The following ARHGEF28 variants were observed in gnomAD, a reference collection of about 807,000 sequenced individuals.
The protein encoded by ARHGEF28 is 190 kDa guanine nucleotide exchange factor.
ARHGEF28 carries 152 observed loss-of-function variants against 206.6 expected under a neutral mutation model. That is an observed-to-expected ratio of 0.74 (90% CI 0.64 to 0.84). ARHGEF28 has a LOEUF of 0.84. ARHGEF28 is among the 40% of genes least tolerant of loss of function. The pLI is 0.00. For missense variants in ARHGEF28, 2,028 were observed against 2,073.2 expected (o/e 0.98, Z 0.42); for synonymous variants, 763 against 776.4 (o/e 0.98, Z 0.29).
At chr5:73,803,049 T>C (rs556326505) in intron 9 of ARHGEF28, among the ~76,000 whole-genome samples, 1 of 152,286 alleles carries the variant, frequency 6.6e-6, no homozygotes, top group African/African-American at 2.4e-5. Context: ...TACAATTTAC[T>C]TTACCTTTTA....
chr5:73,833,584 G>A (rs1757428213), intron 10 of ARHGEF28, among the ~76,000 whole-genome samples: 1 of 152,052 alleles, frequency 6.6e-6, no homozygotes, highest in Non-Finnish European at 1.5e-5. Context: ...ATCTAGAATG[G>A]GTCATGGAGT....
At chr5:73,863,258 A>G (rs888411998) in intron 16 of ARHGEF28, 5 of 152,042 alleles carry the variant, frequency 3.3e-5, no homozygotes, top group Admixed American at 6.6e-5. Flanking sequence ...AGAACTTTTG[A>G]TGTGTCCTTT....
intron 2 of ARHGEF28, among the ~76,000 whole-genome samples, chr5:73,687,238 A>G (rs951524785): frequency 1.3e-5 from 2 of 152,168 alleles, no homozygotes; most frequent in African/African-American, 4.8e-5. Flanking sequence ...AAATCTATGT[A>G]TAGATTAATT....
chr5:73,852,347 T>C (rs1758757942), intron 13 of ARHGEF28, among the ~76,000 whole-genome samples: 1 of 152,226 alleles, frequency 6.6e-6, no homozygotes, highest in Non-Finnish European at 1.5e-5. Context: ...TCCAAAAAGA[T>C]AGAGCTAATT....
In ARHGEF28 at chr5:73,940,608, T is replaced by C. The variant is rs562732013; in HGVS notation, c.4949-236T>C. 5.3e-5 allele frequency among the ~76,000 whole-genome samples: 8 copies of C among 152,332 alleles called. No homozygotes were observed. The South Asian group carries it at 1.7e-3, about 32-fold the overall frequency. On this transcript the variant is annotated intron_variant, in intron 35 of 35. Coordinates refer to ENST00000513042, the MANE Select transcript of ARHGEF28 (RefSeq NM_001177693.2). ...GCAATAGCAGCGGTTTAAGATCCCA[T>C]GAACAGTAACCCATATTTAGTCACA... is the stretch of plus-strand genomic sequence containing the variant.
At chr5:73,934,867 G>A (rs533913550) in intron 35 of ARHGEF28, among the ~76,000 whole-genome samples, 15 of 152,168 alleles carry the variant, frequency 9.9e-5, no homozygotes, top group Non-Finnish European at 2.2e-4. Flanking sequence ...TTGGCATCCT[G>A]TTTAGAGAAA....
At chr5:73,911,786 T>C (rs772063284) in intron 35 of ARHGEF28, 2 of 564,656 alleles carry the variant, frequency 3.5e-6, no homozygotes, top group South Asian at 2.3e-5. Flanking sequence ...ACCATGGTCA[T>C]AGGGCTTAGA....
At chr5:73,750,088 C>T in intron 3 of ARHGEF28, 104 bp downstream of exon 3, 2 of 1,406,778 alleles carry the variant, frequency 1.4e-6, no homozygotes, top group South Asian at 1.3e-5. Context: ...GAAAACAGTG[C>T]TGCAAGGTCA....
At chr5:73,778,458 G>A (rs1246368744) in intron 6 of ARHGEF28, among the ~76,000 whole-genome samples, 1 of 152,104 alleles carries the variant, frequency 6.6e-6, no homozygotes, top group African/African-American at 2.4e-5. Flanking sequence ...AAGGCCAAAT[G>A]GAGATGGCTC....
At chr5:73,657,928 T>C (rs1212204549) in intron 1 of ARHGEF28, among the ~76,000 whole-genome samples, 1 of 152,158 alleles carries the variant, frequency 6.6e-6, no homozygotes, top group Non-Finnish European at 1.5e-5. Flanking sequence ...GCTGAGACCA[T>C]TAAAACACTT....
At position 73,872,981 on chromosome 5, in the gene ARHGEF28, T is replaced by C. The variant is rs1760204053; in HGVS notation, c.2567-18T>C. On this transcript the variant is annotated intron_variant, in intron 21 of 35. Transcript: ENST00000513042. ...TTTTAAAGCTTGTTTAAGGCTTATG[T>C]GTGCTCACACATTTCAGAGCTAATG... 5 of 1,612,026 alleles carry C rather than the reference T, an allele frequency of 3.1e-6. No homozygotes were observed. The highest frequency in any genetic ancestry group is 2.2e-5 in the East Asian group (1 of 44,864).
At chr5:73,794,557 G>T in intron 8 of ARHGEF28, 103 bp downstream of exon 8, 1 of 934,786 alleles carries the variant, frequency 1.1e-6, no homozygotes, top group East Asian at 2.8e-5. Context: ...AAAAAAGGAT[G>T]TGCCCCAAGT....
intron 9 of ARHGEF28, among the ~76,000 whole-genome samples, chr5:73,798,152 G>A (rs750373906): frequency 6.6e-6 from 1 of 152,076 alleles, no homozygotes; most frequent in African/African-American, 2.4e-5. Context: ...TTTGGTACAG[G>A]CATGCAATAT....
At chr5:73,768,524 C>T (rs188650220) in intron 4 of ARHGEF28, among the ~76,000 whole-genome samples, 7 of 152,268 alleles carry the variant, frequency 4.6e-5, no homozygotes, top group Admixed American at 2.0e-4. Flanking sequence ...TTCAGACTTG[C>T]GTAGGGCCTG....
At chr5:73,818,628 C>T (rs1049999517) in intron 9 of ARHGEF28, among the ~76,000 whole-genome samples, 1 of 152,198 alleles carries the variant, frequency 6.6e-6, no homozygotes, top group Non-Finnish European at 1.5e-5. Flanking sequence ...AGTTTCAATT[C>T]CAGACTCTGC....
intron 1 of ARHGEF28, among the ~76,000 whole-genome samples, chr5:73,637,512 C>T (rs939008463): frequency 2.6e-5 from 4 of 152,312 alleles, no homozygotes; most frequent in African/African-American, 9.6e-5. Context: ...TTTCACAGAG[C>T]CTCAAGATAA....
chr5:73,662,426 C>T (rs975801706), intron 1 of ARHGEF28, among the ~76,000 whole-genome samples: 1 of 152,134 alleles, frequency 6.6e-6, no homozygotes, highest in African/African-American at 2.4e-5. Context: ...TTTTTTGGAG[C>T]ACATCCAATA....
chr5:73,744,793 G>T (rs1266222407), intron 2 of ARHGEF28, among the ~76,000 whole-genome samples: 3 of 151,884 alleles, frequency 2.0e-5, no homozygotes, highest in Admixed American at 6.6e-5. Context: ...CAAATAAAAA[G>T]GTGACAATTA....
At chr5:73,836,092 T>C (rs2112567196) in intron 10 of ARHGEF28, among the ~76,000 whole-genome samples, 1 of 152,336 alleles carries the variant, frequency 6.6e-6, no homozygotes. Context: ...CTACTGTGAA[T>C]AGTGCTGCAG....
Sources: allele counts gnomAD v4.1 joint callset (sites outside exome capture counted in the v4.1 genomes callset), GRCh38; gene constraint gnomAD v4.1.1; transcripts MANE v1.5; gene names NCBI Gene and HGNC (gene_info 2026-07-23, HGNC 2026-07-21).